Variants in HERC4 observed in about 807,000 individuals in gnomAD.
HERC4 encodes probable E3 ubiquitin-protein ligase HERC4.
A neutral mutation model predicts 124.3 loss-of-function variants in HERC4; 28 were observed. The observed-to-expected ratio is 0.23, with a 90% CI of 0.17 to 0.31. HERC4 has a LOEUF of 0.31. Ranked by LOEUF, HERC4 falls within the 10% of genes least tolerant of loss-of-function variation. The pLI is 1.00. For missense variants in HERC4, 713 were observed against 1,229.3 expected (o/e 0.58, Z 6.28); for synonymous variants, 407 against 421.5 (o/e 0.97, Z 0.42).
intron 19 of HERC4, among the ~76,000 whole-genome samples, chr10:67,941,313 A>G (rs1456098890): frequency 6.6e-6 from 1 of 152,206 alleles, no homozygotes; most frequent in African/African-American, 2.4e-5. Context: ...CAGACTTAAA[A>G]AAAATATATC....
chr10:68,009,094 C>A (rs1445833613), intron 9 of HERC4, among the ~76,000 whole-genome samples: 1 of 151,850 alleles, frequency 6.6e-6, no homozygotes, highest in South Asian at 2.1e-4. Flanking sequence ...TGTGGTGGTG[C>A]GCACCTGAAA....
At chr10:67,953,062 A>G (rs1371660453) in intron 19 of HERC4, among the ~76,000 whole-genome samples, 1 of 152,134 alleles carries the variant, frequency 6.6e-6, no homozygotes, top group African/African-American at 2.4e-5. Context: ...ACATATATAT[A>G]TATATTTAAA....
At chr10:68,051,084 T>C (rs1483539709) in intron 3 of HERC4, among the ~76,000 whole-genome samples, 1 of 129,334 alleles carries the variant, frequency 7.7e-6, no homozygotes, top group African/African-American at 2.9e-5. Context: ...TGATGATCAG[T>C]AGAAAAACCC....
intron 23 of HERC4, among the ~76,000 whole-genome samples, chr10:67,929,488 C>T (rs2031538475): frequency 1.3e-5 from 2 of 152,130 alleles, no homozygotes; most frequent in South Asian, 2.1e-4. Flanking sequence ...CAGCATAAAG[C>T]CTCAGATTCA....
intron 16 of HERC4, chr10:67,966,386 C>T: frequency 3.8e-6 from 1 of 262,738 alleles, no homozygotes; most frequent in South Asian, 4.7e-5. Context: ...GAGGCAACCT[C>T]ATGGAAAATA....
intron 8 of HERC4, among the ~76,000 whole-genome samples, chr10:68,016,905 A>T (rs1292632163): frequency 6.6e-6 from 1 of 152,208 alleles, no homozygotes; most frequent in Non-Finnish European, 1.5e-5. Flanking sequence ...ACTAAGAATT[A>T]CAAAACTGGA....
At chr10:68,015,474 T>C (rs988921021) in intron 8 of HERC4, among the ~76,000 whole-genome samples, 3 of 152,088 alleles carry the variant, frequency 2.0e-5, no homozygotes, top group Admixed American at 6.6e-5. Context: ...ATTACCCAGA[T>C]TGGCAAATTC....
chr10:68,039,813 T>C, intron 4 of HERC4: 1 of 1,087,774 alleles, frequency 9.2e-7, no homozygotes, highest in Non-Finnish European at 1.1e-6. Context: ...ACTAGGCAGA[T>C]GATACATTGA....
intron 23 of HERC4, among the ~76,000 whole-genome samples, chr10:67,927,430 A>ATTTTTTTTTT (rs373401588): frequency 1.6e-4 from 6 of 37,922 alleles, no homozygotes; most frequent in African/African-American, 3.5e-4. Context: ...ATATATATAT[A>ATTTTTTTTTT]TTTTTTTTTT....
At chr10:68,022,972 A>C (rs2038716935) in intron 8 of HERC4, among the ~76,000 whole-genome samples, 1 of 152,090 alleles carries the variant, frequency 6.6e-6, no homozygotes, top group African/African-American at 2.4e-5. Context: ...AAACCACAGG[A>C]GATAACATGT....
chr10:67,923,643 G>A lies in HERC4; in HGVS notation c.2942-504C>T, dbSNP rs150975439. 1.8e-4 allele frequency among the ~76,000 whole-genome samples: 28 copies of A among 151,780 alleles called. 1 individual carries two copies. The East Asian group carries it at 5.2e-3, about 28-fold the overall frequency. The stretch of plus-strand genomic sequence containing the variant: ...GTGCGGTCACAGTCACAGCAGCCTC[G>A]ACCTCCTGGGCTCAAGCAATCCTCT... On this transcript the variant is annotated intron_variant, in intron 24 of 24. Transcript: ENST00000373700.
chr10:68,068,821 G>A (rs2041428974), intron 3 of HERC4: 1 of 152,942 alleles, frequency 6.5e-6, no homozygotes, highest in Non-Finnish European at 1.5e-5. Context: ...GTGGTCTCAA[G>A]ATGTGCTAGC....
intron 16 of HERC4, among the ~76,000 whole-genome samples, chr10:67,959,332 T>C (rs904926403): frequency 6.6e-6 from 1 of 152,166 alleles, no homozygotes; most frequent in Admixed American, 6.5e-5. Context: ...GTAAGATCTT[T>C]GTTTCAGGTA....
At chr10:68,049,490 T>G (rs2040177827) in intron 3 of HERC4, among the ~76,000 whole-genome samples, 2 of 140,068 alleles carry the variant, frequency 1.4e-5, no homozygotes, top group South Asian at 4.5e-4. Flanking sequence ...GTGTCTGTAA[T>G]CTCACTATGA....
chr10:67,940,736 G>A (rs1256513645), intron 20 of HERC4, among the ~76,000 whole-genome samples: 1 of 152,074 alleles, frequency 6.6e-6, no homozygotes, highest in Admixed American at 6.6e-5. Flanking sequence ...TGGGCCACTG[G>A]GCCAGCCAAA....
At chr10:68,020,629 C>T (rs868093747) in intron 8 of HERC4, among the ~76,000 whole-genome samples, 1 of 151,724 alleles carries the variant, frequency 6.6e-6, no homozygotes, top group South Asian at 2.1e-4. Context: ...ATTAGCCGGG[C>T]GTAGTGGCGG....
chr10:67,947,892 T>TGGGGG, intron 19 of HERC4, among the ~76,000 whole-genome samples: 1 of 146,862 alleles, frequency 6.8e-6, no homozygotes, highest in Non-Finnish European at 1.5e-5. Context: ...GGTTTCACCA[T>TGGGGG]GTTGGCCAGG....
chr10:67,997,544 T>C (rs879248759), intron 9 of HERC4, among the ~76,000 whole-genome samples: 1 of 152,282 alleles, frequency 6.6e-6, no homozygotes, highest in African/African-American at 2.4e-5. Context: ...ATTTTTGCCT[T>C]CCTGTGATGA....
chr10:67,991,036 A>G, intron 12 of HERC4, 21 bp from the exon 13 acceptor site: 1 of 1,385,558 alleles, frequency 7.2e-7, no homozygotes, highest in South Asian at 1.6e-5. Flanking sequence ...GAAAAGAAAA[A>G]AAAAAATAGA....
Sources: allele counts gnomAD v4.1 joint callset (sites outside exome capture counted in the v4.1 genomes callset), GRCh38; gene constraint gnomAD v4.1.1; transcripts MANE v1.5; gene names NCBI Gene and HGNC (gene_info 2026-07-23, HGNC 2026-07-21).